Variants in COLEC12 observed in about 807,000 individuals in gnomAD.
COLEC12 encodes collectin subfamily member 12.
COLEC12 carries 33 observed loss-of-function variants against 71.1 expected under a neutral mutation model. That is an observed-to-expected ratio of 0.46 (90% CI 0.35 to 0.62). The LOEUF is 0.62. Ranked by LOEUF, COLEC12 falls within the 20% of genes least tolerant of loss-of-function variation. COLEC12 has a pLI of 0.00. For synonymous variants in COLEC12, 350 were observed against 353.0 expected (o/e 0.99, Z 0.10); for missense variants, 765 against 916.1 (o/e 0.84, Z 2.13).
At position 319,944 on chromosome 18, in the gene COLEC12, CTTTT is replaced by C; in HGVS notation, c.*97_*100del. On this transcript the variant is annotated 3_prime_UTR_variant, in exon 10 of 10. Transcript: ENST00000400256. Reference sequence around the variant, plus strand: ...TTTTTTCAGTAATTGGTTTTCAGTGCTTTTTTTTTTTCAATCTGATGAGAAGGTG... The same window carrying C: ...TTTTTTCAGTAATTGGTTTTCAGTGCTTTTTTTCAATCTGATGAGAAGGTG... 1 of 604,094 alleles carries C rather than the reference CTTTT, an allele frequency of 1.7e-6. No homozygotes were observed. Among genetic ancestry groups the C allele is most frequent in the South Asian group, 2.1e-5 (1 of 47,770 alleles). The allele number at this position is 604,094 out of a possible 1,614,324, so 37.4% of individuals were successfully genotyped here.
At chr18:329,729 C>T (rs1057165807) in intron 8 of COLEC12, among the ~76,000 whole-genome samples, 5 of 152,200 alleles carry the variant, frequency 3.3e-5, no homozygotes, top group Admixed American at 2.0e-4. Flanking sequence ...TCAGAGCAGA[C>T]CTAAAATCTT....
At chr18:343,668 C>G (rs1361793591) in intron 5 of COLEC12, among the ~76,000 whole-genome samples, 1 of 152,210 alleles carries the variant, frequency 6.6e-6, no homozygotes, top group Non-Finnish European at 1.5e-5. Flanking sequence ...GGGGCACACA[C>G]TTTCGGTGAC....
intron 3 of COLEC12, among the ~76,000 whole-genome samples, chr18:348,674 T>C (rs542976351): frequency 7.9e-5 from 12 of 152,052 alleles, no homozygotes; most frequent in African/African-American, 2.9e-4. Flanking sequence ...AAGTCAAGAG[T>C]GTCTGCCACT....
Position 317,882 on chromosome 18 carries a change from G to A in COLEC12, c.*2163C>T, listed in dbSNP as rs1329460227. On this transcript the variant is annotated 3_prime_UTR_variant, in exon 10 of 10. Transcript: ENST00000400256. ...GGTGCTGAGCAGTTGGCCATTACTG[G>A]GCTGTGAAAACAGCATGAATGGGGA... is the stretch of plus-strand genomic sequence containing the variant. 1 of 152,334 alleles carries A rather than the reference G, an allele frequency of 6.6e-6. No individual in the cohort carries two copies. The highest frequency in any genetic ancestry group is 2.4e-5 in the African/African-American group (1 of 41,468). 9.4% of individuals were successfully genotyped at this position (152,334 alleles called of 1,614,324 possible).
In COLEC12 at chr18:500,469, C is replaced by T; in HGVS notation, c.7+39G>A. On this transcript the variant is annotated intron_variant, in intron 1 of 9. Coordinates refer to ENST00000400256, the MANE Select transcript of COLEC12 (RefSeq NM_130386.3). The surrounding 1 kb of genome is among the most constrained non-coding windows in gnomAD (Gnocchi z 5.3). ...CCTCCCGCGCGCCCCGAAGCCCGTT[C>T]CCCCCGCCCAGAGCCCCGCGGAGCT... 5 of 1,217,474 alleles carry T rather than the reference C, an allele frequency of 4.1e-6. No individual in the cohort carries two copies. The highest frequency in any genetic ancestry group is 5.1e-6 in the Non-Finnish European group (5 of 977,328). 75.4% of individuals were successfully genotyped at this position (1,217,474 alleles called of 1,614,324 possible).
intron 2 of COLEC12, among the ~76,000 whole-genome samples, chr18:416,205 C>T (rs72861891): frequency 0.015 from 2,309 of 152,118 alleles, 31 homozygotes; most frequent in Non-Finnish European, 0.019. Flanking sequence ...AGTGTTGACA[C>T]CCCCCCAAAA....
intron 2 of COLEC12, among the ~76,000 whole-genome samples, chr18:444,100 T>C (rs1224935962): frequency 6.6e-6 from 1 of 152,162 alleles, no homozygotes; most frequent in Non-Finnish European, 1.5e-5. Context: ...GCCTCAGGTA[T>C]TTCTTTACAG....
Position 398,637 on chromosome 18 carries a change from T to C in COLEC12, c.59-41115A>G, listed in dbSNP as rs566010138. On this transcript the variant is annotated intron_variant, in intron 2 of 9. Coordinates refer to ENST00000400256, the MANE Select transcript of COLEC12 (RefSeq NM_130386.3). ...GCCAGTCACAGGGAAATCTCACAGA[T>C]GGGAAAAGCAAATTCACACTGCAGA... Among the ~76,000 whole-genome samples the C allele has an allele frequency of 3.9e-5, 6 of 152,282 alleles. No homozygotes were observed. In the South Asian group the frequency reaches 1.2e-3, roughly 32 times the overall value.
chr18:423,471 G>C (rs1428982232), intron 2 of COLEC12, among the ~76,000 whole-genome samples: 1 of 151,760 alleles, frequency 6.6e-6, no homozygotes, highest in Non-Finnish European at 1.5e-5. Flanking sequence ...AATCCTTTTG[G>C]TTATAAATCA....
chr18:351,515 A>G (rs1339017748), intron 3 of COLEC12, among the ~76,000 whole-genome samples: 3 of 152,140 alleles, frequency 2.0e-5, no homozygotes, highest in Non-Finnish European at 4.4e-5. Flanking sequence ...CTCTTAGCTC[A>G]GTGTGTGGCA....
chr18:401,512 AT>A, intron 2 of COLEC12, among the ~76,000 whole-genome samples: 1 of 87,590 alleles, frequency 1.1e-5, no homozygotes, highest in African/African-American at 4.6e-5. Flanking sequence ...TGAAAGTATA[AT>A]TATTATCATC....
rs1555611780 is a variant in COLEC12 at position 319,329 on chromosome 18, A to ATATATATATATATAT, written c.*715_*716insATATATATATATATA. 1 of 29,474 alleles carries ATATATATATATATAT rather than the reference A, an allele frequency of 3.4e-5. No individual in the cohort carries two copies. The highest frequency in any genetic ancestry group is 7.8e-5 in the Non-Finnish European group (1 of 12,754). The allele number at this position is 29,474 out of a possible 1,614,324, so 1.8% of individuals were successfully genotyped here. ...CTGAGGAAATGAAACATTAAAAAAAAAAAAAAAAAAAAATATATATATATA... is the reference window on the plus strand; with the variant it reads ...CTGAGGAAATGAAACATTAAAAAAAATATATATATATATATAAAAAAAAAAAAATATATATATATA... On this transcript the variant is annotated 3_prime_UTR_variant, in exon 10 of 10. Coordinates refer to ENST00000400256, the MANE Select transcript of COLEC12 (RefSeq NM_130386.3).
chr18:456,018 G>T (rs2143723884), intron 2 of COLEC12, among the ~76,000 whole-genome samples: 1 of 152,320 alleles, frequency 6.6e-6, no homozygotes, highest in South Asian at 2.1e-4. Flanking sequence ...CCCAGGCAGG[G>T]TATGAAATCA....
At chr18:325,171 C>T (rs953873128) in intron 8 of COLEC12, among the ~76,000 whole-genome samples, 1 of 152,132 alleles carries the variant, frequency 6.6e-6, no homozygotes, top group African/African-American at 2.4e-5. Context: ...CCAGCCTGGA[C>T]AACAGAATGA....
In COLEC12 at chr18:500,325, C is replaced by T. The variant is rs990577487; in HGVS notation, c.7+183G>A. 3.9e-5 allele frequency among the ~76,000 whole-genome samples: 6 copies of T among 152,116 alleles called. No individual in the cohort carries two copies. In the East Asian group the frequency reaches 1.2e-3, roughly 30 times the overall value. On this transcript the variant is annotated intron_variant, in intron 1 of 9. Coordinates refer to ENST00000400256, the MANE Select transcript of COLEC12 (RefSeq NM_130386.3). The surrounding 1 kb of genome is among the most constrained non-coding windows in gnomAD (Gnocchi z 5.3). The stretch of plus-strand genomic sequence containing the variant: ...ACCCCAACCTCGAGGTCTCCAGCCG[C>T]GCCTGACCCGGGAGCCGGGTGCGCC...
intron 2 of COLEC12, among the ~76,000 whole-genome samples, chr18:383,099 G>A (rs1445148937): frequency 6.6e-6 from 1 of 152,134 alleles, no homozygotes; most frequent in Non-Finnish European, 1.5e-5. Flanking sequence ...TGTACTGTGT[G>A]GGCAAGTCTG....
At chr18:444,396 T>C (rs1916605831) in intron 2 of COLEC12, among the ~76,000 whole-genome samples, 1 of 152,136 alleles carries the variant, frequency 6.6e-6, no homozygotes, top group South Asian at 2.1e-4. Context: ...CCAGTGAAAA[T>C]GCTGTGGCAG....
chr18:343,318 G>C (rs1188422042), intron 5 of COLEC12, among the ~76,000 whole-genome samples: 1 of 152,166 alleles, frequency 6.6e-6, no homozygotes, highest in Non-Finnish European at 1.5e-5. Flanking sequence ...CAAGGCTCAG[G>C]TGGGGGAGGC....
At chr18:335,487 G>T (rs746102678) in intron 5 of COLEC12, among the ~76,000 whole-genome samples, 2 of 152,142 alleles carry the variant, frequency 1.3e-5, no homozygotes, top group East Asian at 3.9e-4. Flanking sequence ...CTTTACAGAG[G>T]TCATCGAGTT....
Sources: gnomAD v4.1 joint callset for allele counts (sites outside exome capture counted in the v4.1 genomes callset) on GRCh38, gnomAD v4.1.1 for gene constraint, Gnocchi (gnomAD v3.1) non-coding constraint, MANE v1.5 for transcripts, NCBI Gene and HGNC (gene_info 2026-07-23, HGNC 2026-07-21) for gene names.